The following SDK1 variants were observed in gnomAD, a reference collection of about 807,000 sequenced individuals.
SDK1 encodes the protein sidekick cell adhesion molecule 1.
A neutral mutation model predicts 245.5 loss-of-function variants in SDK1; 157 were observed. The ratio of observed to expected loss-of-function variants is 0.64; its 90% CI spans 0.56 to 0.73. The LOEUF (loss-of-function observed/expected upper bound fraction) is 0.73, where lower values mean the gene tolerates loss of function less well. Among genes scored for constraint, SDK1 ranks in the 30% least tolerant of loss-of-function variants. The pLI is 0.00. For missense variants in SDK1, 3,583 were observed against 3,002.3 expected (o/e 1.19, Z -4.52); for synonymous variants, 1,647 against 1,278.5 (o/e 1.29, Z -6.15).
chr7:3,618,150 A>G (rs577066677), intron 1 of SDK1, among the ~76,000 whole-genome samples: 1 of 152,250 alleles, frequency 6.6e-6, no homozygotes, highest in South Asian at 2.1e-4. Context: ...CTGCATCCAT[A>G]TTAAAAAATG....
rs376039757 is a variant in SDK1, at chr7:3,657,430, G to A, written c.713+15325G>A. ...CCGAGTCCTGGAAAGAGGGTGAGGA[G>A]CGTCACTGTCTGGAAATTCAGGGTC... On this transcript the variant is annotated intron_variant, in intron 4 of 44. Coordinates refer to ENST00000404826, the MANE Select transcript of SDK1 (RefSeq NM_152744.4). Among the ~76,000 whole-genome samples, 550 of 152,278 alleles carry A rather than the reference G, an allele frequency of 3.6e-3. 2 individuals carry two copies. The highest frequency in any genetic ancestry group is 0.012 in the African/African-American group (504 of 41,556).
intron 44 of SDK1, among the ~76,000 whole-genome samples, chr7:4,251,028 C>T (rs1380375675): frequency 6.6e-6 from 1 of 152,108 alleles, no homozygotes; most frequent in African/African-American, 2.4e-5. Context: ...CAGACTCATG[C>T]AATATGTGGT....
chr7:3,999,542 A>G (rs1784921002), intron 14 of SDK1, among the ~76,000 whole-genome samples: 1 of 152,212 alleles, frequency 6.6e-6, no homozygotes. Context: ...TCAAACGGTC[A>G]GTATTCGGAT....
chr7:3,539,427 G>C (rs1036962876), intron 1 of SDK1, among the ~76,000 whole-genome samples: 2 of 152,080 alleles, frequency 1.3e-5, no homozygotes, highest in African/African-American at 4.8e-5. Context: ...GGAAATGTTG[G>C]GCCTTTGCCT....
chr7:3,399,295 A>C (rs1215733481), intron 1 of SDK1, among the ~76,000 whole-genome samples: 3 of 151,624 alleles, frequency 2.0e-5, no homozygotes, highest in African/African-American at 7.3e-5. Flanking sequence ...CAGAGTTTTA[A>C]TTTTGTTCCT....
chr7:3,795,311 C>G (rs993444120), intron 4 of SDK1, among the ~76,000 whole-genome samples: 5 of 152,042 alleles, frequency 3.3e-5, no homozygotes, highest in African/African-American at 1.2e-4. Flanking sequence ...TAAATTAATG[C>G]CACTTGGCAT....
At chr7:3,625,968 G>A (rs1782105008) in intron 2 of SDK1, among the ~76,000 whole-genome samples, 2 of 140,626 alleles carry the variant, frequency 1.4e-5, no homozygotes, top group Admixed American at 1.5e-4. Flanking sequence ...TTGAGGGAGA[G>A]GGTCTCACTC....
chr7:3,312,658 G>C (rs1423758675), intron 1 of SDK1, among the ~76,000 whole-genome samples: 1 of 152,044 alleles, frequency 6.6e-6, no homozygotes, highest in East Asian at 1.9e-4. Context: ...AAAATCAATA[G>C]ATTTTTAAAG....
chr7:3,422,536 T>TA (rs2128581291), intron 1 of SDK1, among the ~76,000 whole-genome samples: 1 of 152,322 alleles, frequency 6.6e-6, no homozygotes, highest in Admixed American at 6.5e-5. Flanking sequence ...CTCATGCCTG[T>TA]AACCCTAGTA....
chr7:3,342,236 A>G (rs1336399348), intron 1 of SDK1, among the ~76,000 whole-genome samples: 1 of 152,228 alleles, frequency 6.6e-6, no homozygotes, highest in Non-Finnish European at 1.5e-5. Context: ...ATTTTATACA[A>G]AATTAACTCA....
chr7:3,579,469 T>G (rs1780413012), intron 1 of SDK1, among the ~76,000 whole-genome samples: 1 of 152,192 alleles, frequency 6.6e-6, no homozygotes, highest in Admixed American at 6.5e-5. Context: ...TTGATAAAAT[T>G]CAGTATCCCT....
At chr7:3,435,162 G>GT (rs1779981141) in intron 1 of SDK1, among the ~76,000 whole-genome samples, 2 of 30,272 alleles carry the variant, frequency 6.6e-5, no homozygotes, top group African/African-American at 3.5e-4. Context: ...AAAAGTCTCT[G>GT]TATTTTTTTT....
At chr7:4,172,972 G>T (rs543912551) in intron 32 of SDK1, among the ~76,000 whole-genome samples, 1 of 152,310 alleles carries the variant, frequency 6.6e-6, no homozygotes, top group East Asian at 1.9e-4. Context: ...ATAAGGTCAG[G>T]TTCACAGGCA....
At chr7:3,421,510 T>G (rs1344896320) in intron 1 of SDK1, among the ~76,000 whole-genome samples, 1 of 152,226 alleles carries the variant, frequency 6.6e-6, no homozygotes, top group Non-Finnish European at 1.5e-5. Context: ...ACCTTTTGAC[T>G]TAAATATCTA....
chr7:3,829,344 C>G (rs1014176581), intron 5 of SDK1, among the ~76,000 whole-genome samples: 1 of 152,140 alleles, frequency 6.6e-6, no homozygotes, highest in Non-Finnish European at 1.5e-5. Context: ...TGATGACCCT[C>G]TAAGGGCATA....
intron 4 of SDK1, among the ~76,000 whole-genome samples, chr7:3,810,163 C>T (rs543409713): frequency 6.6e-6 from 1 of 152,024 alleles, no homozygotes; most frequent in African/African-American, 2.4e-5. Flanking sequence ...CATGAGGAGC[C>T]CCCCCATATC....
chr7:3,908,264 C>T (rs6971873), intron 5 of SDK1, among the ~76,000 whole-genome samples: 44,554 of 152,116 alleles, frequency 0.29, 8,086 homozygotes, highest in African/African-American at 0.51. Context: ...TGAACACTCA[C>T]TGAAGTTCTG....
At chr7:3,357,313 T>A (rs1423842602) in intron 1 of SDK1, among the ~76,000 whole-genome samples, 2 of 143,118 alleles carry the variant, frequency 1.4e-5, no homozygotes, top group African/African-American at 2.5e-5. Flanking sequence ...TTACTCTTGC[T>A]CCCCTTCTTT....
At chr7:3,536,032 CT>C (rs1215796771) in intron 1 of SDK1, among the ~76,000 whole-genome samples, 1 of 151,592 alleles carries the variant, frequency 6.6e-6, no homozygotes, top group African/African-American at 2.4e-5. Flanking sequence ...AATTCCCCCC[CT>C]GCATGTTTGA....
Sources: allele counts gnomAD v4.1 joint callset (sites outside exome capture counted in the v4.1 genomes callset), GRCh38; gene constraint gnomAD v4.1.1; transcripts MANE v1.5; gene names NCBI Gene and HGNC (gene_info 2026-07-23, HGNC 2026-07-21).